SLC38A1: variants seen among roughly 807,000 people sequenced by gnomAD.
SLC38A1 encodes sodium-coupled neutral amino acid symporter 1.
In SLC38A1, 18 loss-of-function variants were observed where a neutral mutation model predicts 60.3. That is an observed-to-expected ratio of 0.30 (90% CI 0.21 to 0.44). The LOEUF (loss-of-function observed/expected upper bound fraction) is 0.44, where lower values mean the gene tolerates loss of function less well. Among genes scored for constraint, SLC38A1 ranks in the 20% least tolerant of loss-of-function variants. The pLI, the probability that SLC38A1 is intolerant of heterozygous loss-of-function variation, is 1.00. For synonymous variants in SLC38A1, 196 were observed against 212.1 expected, an observed-to-expected ratio of 0.92 and a Z score of 0.66; for missense variants, 448 against 587.2, an observed-to-expected ratio of 0.76 and a Z score of 2.45.
At chr12:46,216,724 G>A (rs1357868664) in intron 5 of SLC38A1, among the ~76,000 whole-genome samples, 4 of 152,172 alleles carry the variant, frequency 2.6e-5, no homozygotes, top group Non-Finnish European at 5.9e-5. Context: ...CCTGGGCATA[G>A]CGGCGTATGC....
At chr12:46,209,200 C>A in intron 5 of SLC38A1, 73 bp from the exon 6 acceptor site, 1 of 1,080,578 alleles carries the variant, frequency 9.3e-7, no homozygotes, top group Non-Finnish European at 1.4e-6. Context: ...TTTAGAAGGG[C>A]AAAGGTTTAT....
chr12:46,235,523 C>G (rs1941228840), intron 3 of SLC38A1, among the ~76,000 whole-genome samples: 2 of 151,952 alleles, frequency 1.3e-5, no homozygotes, highest in Admixed American at 1.3e-4. Flanking sequence ...ATTTGATGGA[C>G]AAATTCCACT....
rs1434575421 is a variant in SLC38A1 at position 46,198,748 on chromosome 12, A to G, written c.1004-5T>C. ...GGAGGTCGGACTGCACGTTGTCTAAAATGAGGGAAAAGCAAGAGGGTTTTA... is the reference window on the plus strand; with the variant it reads ...GGAGGTCGGACTGCACGTTGTCTAAGATGAGGGAAAAGCAAGAGGGTTTTA... On this transcript the variant is annotated splice_region_variant and splice_polypyrimidine_tract_variant and intron_variant, in intron 13 of 16. Transcript: ENST00000398637. 6.4e-7 allele frequency: 1 copy of G among 1,573,778 alleles called. No homozygotes were observed. Among genetic ancestry groups the G allele is most frequent in the Admixed American group, 1.8e-5 (1 of 55,536 alleles).
rs756964775 is a variant in SLC38A1 at position 46,197,859 on chromosome 12, T to A, written c.1265-42A>T. 5 of 1,604,154 alleles carry A rather than the reference T, an allele frequency of 3.1e-6. No homozygotes were observed. In the South Asian group the frequency reaches 5.6e-5, roughly 18 times the overall value. Reference sequence around the variant, plus strand: ...AAGAGAAAGTTTAGCATTGCTATTGTGAAAATTTCCCTGCAAACAGCTACT... The same window carrying A: ...AAGAGAAAGTTTAGCATTGCTATTGAGAAAATTTCCCTGCAAACAGCTACT... On this transcript the variant is annotated intron_variant, in intron 15 of 16. Transcript: ENST00000398637.
At chr12:46,219,753 A>C (rs549745482) in intron 5 of SLC38A1, among the ~76,000 whole-genome samples, 8 of 152,380 alleles carry the variant, frequency 5.3e-5, no homozygotes, top group Middle Eastern at 6.8e-3. Flanking sequence ...CAGAGAAGGC[A>C]TTCTACCAAT....
intron 1 of SLC38A1, among the ~76,000 whole-genome samples, chr12:46,251,289 C>T (rs143077180): frequency 0.023 from 3,467 of 152,208 alleles, 51 homozygotes; most frequent in Middle Eastern, 0.034. Context: ...ACTGACTAGC[C>T]ATGTGTAGAA....
chr12:46,249,738 G>A (rs1054324252), intron 1 of SLC38A1, among the ~76,000 whole-genome samples: 8 of 152,022 alleles, frequency 5.3e-5, no homozygotes, highest in African/African-American at 1.9e-4. Context: ...AAAAATCTAG[G>A]AAAAATGGCT....
intron 5 of SLC38A1, among the ~76,000 whole-genome samples, chr12:46,224,480 G>C (rs1238041635): frequency 6.6e-6 from 1 of 152,124 alleles, no homozygotes; most frequent in African/African-American, 2.4e-5. Flanking sequence ...GCACCAACAA[G>C]TTTCCAGATG....
In SLC38A1 at chr12:46,188,922, G is replaced by C; in HGVS notation, c.*48C>G. ...GTGGTGAGAGATTGCTGATGTGTGG[G>C]GACTTGACTGAGCAGACAACAGGGA... On this transcript the variant is annotated 3_prime_UTR_variant, in exon 17 of 17. Coordinates refer to ENST00000398637, the MANE Select transcript of SLC38A1 (RefSeq NM_030674.4). 2 of 1,466,936 alleles carry C rather than the reference G, an allele frequency of 1.4e-6. No homozygotes were observed. The highest frequency in any genetic ancestry group is 2.3e-5 in the South Asian group (2 of 88,092). 90.9% of individuals were successfully genotyped at this position (1,466,936 alleles called of 1,614,324 possible).
chr12:46,221,205 A>G (rs1366083316), intron 5 of SLC38A1, among the ~76,000 whole-genome samples: 9 of 152,206 alleles, frequency 5.9e-5, no homozygotes, highest in Non-Finnish European at 1.0e-4. Flanking sequence ...AGACAGACAG[A>G]GAGACAGGGA....
intron 5 of SLC38A1, among the ~76,000 whole-genome samples, chr12:46,221,230 G>C (rs1784195082): frequency 6.6e-6 from 1 of 152,288 alleles, no homozygotes; most frequent in Non-Finnish European, 1.5e-5. Context: ...GAGAGGGCCA[G>C]AGAATTCACC....
intron 5 of SLC38A1, among the ~76,000 whole-genome samples, chr12:46,212,426 T>C (rs1190428706): frequency 6.6e-6 from 1 of 152,164 alleles, no homozygotes; most frequent in African/African-American, 2.4e-5. Context: ...AAGGCGTACT[T>C]ACATGGGGAC....
At chr12:46,241,210 G>C (rs995863740) in intron 2 of SLC38A1, among the ~76,000 whole-genome samples, 6 of 152,160 alleles carry the variant, frequency 3.9e-5, no homozygotes, top group African/African-American at 1.4e-4. Flanking sequence ...AATTTTGTCT[G>C]ATCCTAAATT....
chr12:46,238,955 C>T (rs866389039), intron 3 of SLC38A1, among the ~76,000 whole-genome samples: 16 of 152,198 alleles, frequency 1.1e-4, no homozygotes, highest in African/African-American at 3.9e-4. Flanking sequence ...GGATGACACA[C>T]TTGTAGTTTA....
In SLC38A1 at chr12:46,268,742, C is replaced by A. The variant is rs981185788; in HGVS notation, c.-425G>T. The A allele has an allele frequency of 9.6e-6, 3 of 312,936 alleles. No individual in the cohort carries two copies. The highest frequency in any genetic ancestry group is 1.4e-5 in the Non-Finnish European group (2 of 144,128). The allele number at this position is 312,936 out of a possible 1,614,324, so 19.4% of individuals were successfully genotyped here. ...GCGGAGGCTCCTGGCGACCTTCTGG[C>A]GGAGTGGCGTGGCCGCCCCAGTCCG... On this transcript the variant is annotated 5_prime_UTR_variant, in exon 1 of 17. Transcript: ENST00000398637. This position sits in a 1 kb window ranked among gnomAD's most constrained non-coding sequence, Gnocchi z 4.4.
intron 2 of SLC38A1, among the ~76,000 whole-genome samples, chr12:46,240,506 C>T (rs1455097300): frequency 6.6e-6 from 1 of 152,178 alleles, no homozygotes; most frequent in Non-Finnish European, 1.5e-5. Flanking sequence ...TGAAGCAGTG[C>T]TTTTAAAATG....
chr12:46,185,763 G>GC lies in SLC38A1; in HGVS notation c.*3206dup. 1 of 152,134 alleles carries GC rather than the reference G, an allele frequency of 6.6e-6. No individual in the cohort carries two copies. The highest frequency in any genetic ancestry group is 1.9e-4 in the East Asian group (1 of 5,142). 9.4% of individuals were successfully genotyped at this position (152,134 alleles called of 1,614,324 possible). A position where few individuals can be genotyped will look rare whatever the true frequency, so the allele number is the denominator to read the frequency against. Reference sequence around the variant, plus strand: ...CCTGGAGGTTTCTGACCCATGAGAGGCCCCCTCACCCTCCTTCACCCTCCT... The same window carrying GC: ...CCTGGAGGTTTCTGACCCATGAGAGGCCCCCCTCACCCTCCTTCACCCTCCT... On this transcript the variant is annotated 3_prime_UTR_variant, in exon 17 of 17. Coordinates refer to ENST00000398637, the MANE Select transcript of SLC38A1 (RefSeq NM_030674.4).
At chr12:46,207,298 A>T in intron 7 of SLC38A1, 62 bp from the exon 8 acceptor site, 1 of 1,440,196 alleles carries the variant, frequency 6.9e-7, no homozygotes, top group Non-Finnish European at 9.7e-7. Flanking sequence ...CAAGCTACAT[A>T]AAAAGTTATC....
intron 1 of SLC38A1, among the ~76,000 whole-genome samples, chr12:46,259,258 C>T (rs1942127133): frequency 6.6e-6 from 1 of 151,832 alleles, no homozygotes; most frequent in South Asian, 2.1e-4. Flanking sequence ...TGTCTGTTTA[C>T]CCACTTGGGG....
Sources: gnomAD v4.1 joint callset for allele counts (sites outside exome capture counted in the v4.1 genomes callset) on GRCh38, gnomAD v4.1.1 for gene constraint, Gnocchi (gnomAD v3.1) non-coding constraint, MANE v1.5 for transcripts, NCBI Gene and HGNC (gene_info 2026-07-23, HGNC 2026-07-21) for gene names.